MAN2B2: variants seen among roughly 807,000 people sequenced by gnomAD.
MAN2B2 encodes the protein epididymis-specific alpha-mannosidase.
In MAN2B2, 106 loss-of-function variants were observed where a neutral mutation model predicts 117.1. That is an observed-to-expected ratio of 0.90 (90% CI 0.77 to 1.06). The LOEUF (loss-of-function observed/expected upper bound fraction) is 1.06. Ranked by LOEUF, MAN2B2 falls within the 50% of genes least tolerant of loss-of-function variation. The probability of loss-of-function intolerance (pLI) is 0.00; values close to 1 mark genes in which losing one functional copy is unlikely to be tolerated. For synonymous variants in MAN2B2, 544 were observed against 595.1 expected (o/e 0.91, Z 1.25); for missense variants, 1,326 against 1,381.4 (o/e 0.96, Z 0.64).
chr4:6,579,174 C>A (rs1465943727), intron 3 of MAN2B2, among the ~76,000 whole-genome samples: 6 of 79,512 alleles, frequency 7.5e-5, no homozygotes, highest in Non-Finnish European at 1.4e-4. Context: ...ACCACCACCA[C>A]CACCATCACC....
In MAN2B2 at chr4:6,617,061, G is replaced by C. The variant is rs1711911553; in HGVS notation, c.2702-319G>C. Among the ~76,000 whole-genome samples, 4 of 152,196 alleles carry C rather than the reference G, an allele frequency of 2.6e-5. No homozygotes were observed. The South Asian group carries it at 8.3e-4, about 32-fold the overall frequency. On this transcript the variant is annotated intron_variant, in intron 16 of 18. Coordinates refer to ENST00000285599, the MANE Select transcript of MAN2B2 (RefSeq NM_015274.3). ...GAGCAAAGTCACGTCTTACATGGTG[G>C]CAGGCAAGAGAGCGTGTGCAGGGGA...
intron 3 of MAN2B2, among the ~76,000 whole-genome samples, chr4:6,583,840 G>A (rs1726535350): frequency 2.6e-5 from 4 of 152,176 alleles, no homozygotes; most frequent in Non-Finnish European, 4.4e-5. Context: ...CTTCCCTTAG[G>A]CTGGGCTACC....
intron 3 of MAN2B2, among the ~76,000 whole-genome samples, chr4:6,583,288 T>C (rs1726509058): frequency 6.6e-6 from 1 of 152,204 alleles, no homozygotes; most frequent in Non-Finnish European, 1.5e-5. Context: ...TGCTGGGGAA[T>C]AGAGTCTATT....
intron 5 of MAN2B2, among the ~76,000 whole-genome samples, 169 bp from the exon 6 acceptor site, chr4:6,593,004 A>G (rs774147725): frequency 5.9e-5 from 9 of 152,222 alleles, no homozygotes; most frequent in Middle Eastern, 3.2e-3. Flanking sequence ...GCCTGCGTGA[A>G]TGAGCAAACA....
chr4:6,585,791 C>A (rs939881786), intron 3 of MAN2B2, among the ~76,000 whole-genome samples: 2 of 152,138 alleles, frequency 1.3e-5, no homozygotes, highest in African/African-American at 4.8e-5. Context: ...CTGGCTCTCG[C>A]GGCTGTGAGA....
rs1320257748 is a variant in MAN2B2, at chr4:6,578,344, T to C, written c.286-49T>C. The C allele has an allele frequency of 5.6e-6, 8 of 1,427,096 alleles. No individual in the cohort carries two copies. In the East Asian group the frequency reaches 1.2e-4, roughly 21 times the overall value. 88.4% of individuals were successfully genotyped at this position (1,427,096 alleles called of 1,614,324 possible). A position where few individuals can be genotyped will look rare whatever the true frequency, so the allele number is the denominator to read the frequency against. On this transcript the variant is annotated intron_variant, in intron 2 of 18. Transcript: ENST00000285599. Reference sequence around the variant, plus strand: ...GGTGTGTTCCCCACAGACCCAGCCATGCTCAGGAGCCGTAACTGGCTTTTT... The same window carrying C: ...GGTGTGTTCCCCACAGACCCAGCCACGCTCAGGAGCCGTAACTGGCTTTTT...
intron 17 of MAN2B2, chr4:6,618,949 A>T (rs1712028175): frequency 6.6e-6 from 1 of 152,162 alleles, no homozygotes; most frequent in South Asian, 2.1e-4. Context: ...AGTGCCCAGC[A>T]CAGGGCCAGC....
rs1727289836 is a variant in MAN2B2, at chr4:6,600,657, C to T, written c.1440C>T (p.Tyr480=). 1.9e-6 allele frequency: 3 copies of T among 1,613,906 alleles called. No homozygotes were observed. The South Asian group carries it at 3.3e-5, about 18-fold the overall frequency. ...AGPAGHFASV[Y]NPLAWTVTTI... ...CTGCAGGACATTTTGCCTCGGTCTA[C>T]AACCCGCTGGCCTGGACGGTCACCA... Residue 480 remains tyrosine, a synonymous_variant, in exon 10 of 19, where the codon TAC becomes TAT. Coordinates refer to ENST00000285599, the MANE Select transcript of MAN2B2 (RefSeq NM_015274.3).
intron 13 of MAN2B2, 122 bp from the exon 14 acceptor site, chr4:6,610,758 G>A: frequency 1.3e-6 from 1 of 791,764 alleles, no homozygotes; most frequent in Non-Finnish European, 2.2e-6. Context: ...CCAAAGTCAG[G>A]GTCCCAGCCC....
chr4:6,578,929 CACCTTCAGCACCATAATG>C (rs1726172798), intron 3 of MAN2B2, among the ~76,000 whole-genome samples: 1 of 151,518 alleles, frequency 6.6e-6, no homozygotes. Context: ...TCACAATTAC[CACCTTCAGCACCATAATG>C]ACCATGACTA....
intron 17 of MAN2B2, chr4:6,617,835 C>A: frequency 8.6e-6 from 2 of 232,006 alleles, no homozygotes; most frequent in Non-Finnish European, 8.3e-6. Flanking sequence ...GGCGCGCCAC[C>A]ACGATGGCTA....
intron 3 of MAN2B2, 60 bp from the exon 4 acceptor site, chr4:6,586,936 T>G: frequency 3.3e-6 from 5 of 1,537,982 alleles, no homozygotes; most frequent in Non-Finnish European, 4.4e-6. Flanking sequence ...GGGGTGAGGA[T>G]GGGGCCGGGA....
chr4:6,607,745 G>A (rs997356200), intron 11 of MAN2B2, among the ~76,000 whole-genome samples: 1 of 152,160 alleles, frequency 6.6e-6, no homozygotes, highest in African/African-American at 2.4e-5. Flanking sequence ...TGGGTACATA[G>A]CTAGGAGTAG....
intron 10 of MAN2B2, among the ~76,000 whole-genome samples, chr4:6,602,047 TC>T (rs1340990076): frequency 2.0e-5 from 3 of 152,142 alleles, no homozygotes; most frequent in Admixed American, 2.0e-4. Context: ...ATCCCTGTCA[TC>T]CCCTCATGCA....
intron 7 of MAN2B2, among the ~76,000 whole-genome samples, chr4:6,596,139 C>T (rs734036): frequency 0.43 from 63,661 of 147,732 alleles, 13,841 homozygotes; most frequent in East Asian, 0.63. Flanking sequence ...TCCAGGTGGG[C>T]GTGGTATCCA....
intron 11 of MAN2B2, among the ~76,000 whole-genome samples, chr4:6,607,365 C>T (rs1165306443): frequency 6.6e-6 from 1 of 152,156 alleles, no homozygotes; most frequent in Admixed American, 6.5e-5. Flanking sequence ...TACCACCACA[C>T]CCAGCTAATT....
chr4:6,618,540 C>G (rs1712006021), intron 17 of MAN2B2: 1 of 152,230 alleles, frequency 6.6e-6, no homozygotes, highest in African/African-American at 2.4e-5. Context: ...ACTAAGGGGC[C>G]TCGTGCAGTG....
intron 15 of MAN2B2, among the ~76,000 whole-genome samples, chr4:6,613,147 A>G (rs1292363937): frequency 1.3e-5 from 2 of 152,220 alleles, no homozygotes; most frequent in African/African-American, 4.8e-5. Context: ...GCCTGGACCA[A>G]TCAGCATGGC....
chr4:6,579,740 T>C (rs1160715901), intron 3 of MAN2B2, among the ~76,000 whole-genome samples: 1 of 152,126 alleles, frequency 6.6e-6, no homozygotes, highest in East Asian at 2.0e-4. Context: ...ACAATCATCA[T>C]CACCACCACC....
Sources: gnomAD v4.1 joint callset for allele counts (sites outside exome capture counted in the v4.1 genomes callset) on GRCh38, gnomAD v4.1.1 for gene constraint, MANE v1.5 for transcripts, NCBI Gene and HGNC (gene_info 2026-07-23, HGNC 2026-07-21) for gene names.